MN1: variants seen among roughly 807,000 people sequenced by gnomAD.
MN1 encodes the protein transcriptional activator MN1.
In MN1, 19 loss-of-function variants were observed where a neutral mutation model predicts 86.9. That is an observed-to-expected ratio of 0.22 (90% confidence interval 0.15 to 0.32). The LOEUF (loss-of-function observed/expected upper bound fraction) is 0.32. MN1 is among the 10% of genes least tolerant of loss of function. MN1 has a pLI of 1.00. For synonymous variants in MN1, 928 were observed against 849.6 expected (o/e 1.09, Z -1.60); for missense variants, 1,841 against 1,862.0 (o/e 0.99, Z 0.21).
In MN1 at chr22:27,760,869, C is replaced by T. The variant is rs6005610; in HGVS notation, c.3782-9773G>A. 6.3e-4 allele frequency among the ~76,000 whole-genome samples: 96 copies of T among 152,344 alleles called. 1 individual carries two copies. Among genetic ancestry groups the T allele is most frequent in the African/African-American group, 2.2e-3 (91 of 41,582 alleles). On this transcript the variant is annotated intron_variant, in intron 1 of 1. Transcript: ENST00000302326. ...CCACTGTCTCTATGCGAGTCGGCTC[C>T]AGGGCGTGACCGTGAACATGACCTG...
chr22:27,763,126 T>C (rs552371433), intron 1 of MN1, among the ~76,000 whole-genome samples: 1 of 152,166 alleles, frequency 6.6e-6, no homozygotes, highest in East Asian at 1.9e-4. Flanking sequence ...ACAAAACAAA[T>C]ATACATTCAC....
chr22:27,797,527 G>T lies in MN1; in HGVS notation c.3017C>A (p.Thr1006Lys). ...AGCCCCCTTCCCCCAGGATGGCGAC[G>T]TGAGCGCCTTTTCGTGGGGCGTCGG... ...GAPTPHEKAL[T>K]SPSWGKGAEL... The change falls in exon 1 of 2, where the codon ACG (threonine) becomes AAG (lysine). Residue 1006 changes from threonine (T) to lysine (K), a missense_variant. Transcript: ENST00000302326. The T allele has an allele frequency of 1.2e-6, 2 of 1,608,266 alleles. No homozygotes were observed. Among genetic ancestry groups the T allele is most frequent in the Non-Finnish European group, 8.5e-7 (1 of 1,178,268 alleles).
chr22:27,796,787 G>A lies in MN1; in HGVS notation c.3757C>T (p.Pro1253Ser), dbSNP rs749628293. The A allele has an allele frequency of 6.2e-7, 1 of 1,604,802 alleles. No individual in the cohort carries two copies. The highest frequency in any genetic ancestry group is 8.5e-7 in the Non-Finnish European group (1 of 1,178,498). Residue 1253 changes from proline (P) to serine (S), a missense_variant, in exon 1 of 2, where the codon CCC becomes TCC. By Grantham distance (74) the Pro-to-Ser change is moderately conservative. Transcript: ENST00000302326. ...CCTTCTTTGCTGTTGGGGTTCTGGG[G>A]TTTGGCCTTCTCCCAGGGCGCCAAC... Reference protein sequence around the residue: ...KTLAPWEKAKPQNPNSKEAHD... With the variant: ...KTLAPWEKAKSQNPNSKEAHD...
At chr22:27,780,215 G>C (rs559596845) in intron 1 of MN1, among the ~76,000 whole-genome samples, 39 of 152,172 alleles carry the variant, frequency 2.6e-4, no homozygotes, top group African/African-American at 8.9e-4. Context: ...CCTGGCTCCC[G>C]GCCACACTTT....
At chr22:27,771,219 C>CTTTTT (rs11330963) in intron 1 of MN1, among the ~76,000 whole-genome samples, 20 of 86,648 alleles carry the variant, frequency 2.3e-4, no homozygotes, top group African/African-American at 8.6e-4. Context: ...TTTTCCCTAA[C>CTTTTT]TTTTTTTTTT....
intron 1 of MN1, among the ~76,000 whole-genome samples, chr22:27,758,115 C>T (rs1932812901): frequency 6.6e-6 from 1 of 152,132 alleles, no homozygotes; most frequent in African/African-American, 2.4e-5. Context: ...GCAGGCCTCT[C>T]TCCTGCTTGA....
At chr22:27,764,046 G>A (rs533127912) in intron 1 of MN1, among the ~76,000 whole-genome samples, 64 of 152,338 alleles carry the variant, frequency 4.2e-4, no homozygotes, top group Non-Finnish European at 7.6e-4. Context: ...GGTGTGAAAC[G>A]AGGGAAGAGG....
At chr22:27,763,173 A>G (rs982892321) in intron 1 of MN1, among the ~76,000 whole-genome samples, 2 of 152,226 alleles carry the variant, frequency 1.3e-5, no homozygotes, top group Non-Finnish European at 2.9e-5. Flanking sequence ...CTTCCAGCCC[A>G]TTGGAGGAAA....
chr22:27,767,717 G>A (rs907818864), intron 1 of MN1, among the ~76,000 whole-genome samples: 2 of 152,032 alleles, frequency 1.3e-5, no homozygotes, highest in Admixed American at 6.6e-5. Flanking sequence ...ACCCTCCACC[G>A]CTCCAACAAC....
intron 1 of MN1, among the ~76,000 whole-genome samples, chr22:27,795,312 G>T (rs1263275213): frequency 6.6e-6 from 1 of 152,016 alleles, no homozygotes; most frequent in Admixed American, 6.6e-5. Flanking sequence ...CGGGATGCGC[G>T]CCTTGAAAGC....
chr22:27,755,776 G>A lies in MN1; in HGVS notation c.3782-4680C>T, dbSNP rs535601023. Among the ~76,000 whole-genome samples, 4 of 152,298 alleles carry A rather than the reference G, an allele frequency of 2.6e-5. No individual in the cohort carries two copies. In the South Asian group the frequency reaches 8.3e-4, roughly 32 times the overall value. On this transcript the variant is annotated intron_variant, in intron 1 of 1. Coordinates refer to ENST00000302326, the MANE Select transcript of MN1 (RefSeq NM_002430.3). ...CTTCCAAACTTCTCCATCCACAATG[G>A]AGACAGTCAGTTCCATTAAGGGAAG... is the stretch of plus-strand genomic sequence containing the variant.
At chr22:27,777,918 G>A (rs1265625922) in intron 1 of MN1, among the ~76,000 whole-genome samples, 1 of 151,902 alleles carries the variant, frequency 6.6e-6, no homozygotes, top group Non-Finnish European at 1.5e-5. Flanking sequence ...ATTCTACAGG[G>A]TACATCATTT....
intron 1 of MN1, among the ~76,000 whole-genome samples, chr22:27,754,387 G>A (rs956432073): frequency 1.5e-4 from 23 of 152,308 alleles, no homozygotes; most frequent in Non-Finnish European, 2.6e-4. Flanking sequence ...CATCAGTGGG[G>A]GTGCCCCTTC....
rs1182833693 is a variant in MN1 at position 27,748,952 on chromosome 22, C to T, written c.*1963G>A. 1.3e-5 allele frequency: 3 copies of T among 230,476 alleles called. No individual in the cohort carries two copies. Among genetic ancestry groups the T allele is most frequent in the Non-Finnish European group, 1.7e-5 (2 of 116,420 alleles). 14.3% of individuals were successfully genotyped at this position (230,476 alleles called of 1,614,324 possible). A position where few individuals can be genotyped will look rare whatever the true frequency, so the allele number is the denominator to read the frequency against. On this transcript the variant is annotated 3_prime_UTR_variant, in exon 2 of 2. Coordinates refer to ENST00000302326, the MANE Select transcript of MN1 (RefSeq NM_002430.3). ...GGGTCATGGAGTCTTGCCCAGAATA[C>T]GGTCAACTCTCCCACAGCCCATGGT...
chr22:27,778,324 C>G (rs996200007), intron 1 of MN1, among the ~76,000 whole-genome samples: 1 of 152,246 alleles, frequency 6.6e-6, no homozygotes, highest in African/African-American at 2.4e-5. Context: ...TTTCTGCCAG[C>G]TGCCGCGGCC....
chr22:27,757,938 G>A (rs1932811816), intron 1 of MN1, among the ~76,000 whole-genome samples: 1 of 152,030 alleles, frequency 6.6e-6, no homozygotes, highest in Non-Finnish European at 1.5e-5. Context: ...ACCAAGGAGG[G>A]AAGAGGCTGC....
chr22:27,750,783 A>G lies in MN1; in HGVS notation c.*132T>C, dbSNP rs551552845. On this transcript the variant is annotated 3_prime_UTR_variant, in exon 2 of 2. Transcript: ENST00000302326. Reference sequence around the variant, plus strand: ...CACTAAGCAGGTACCAACCTAGAGAAAAAAAAAAAACTCATCCACTCAGCA... The same window carrying G: ...CACTAAGCAGGTACCAACCTAGAGAGAAAAAAAAAACTCATCCACTCAGCA... 2.5e-4 allele frequency: 188 copies of G among 738,966 alleles called. No homozygotes were observed. The highest frequency in any genetic ancestry group is 1.3e-3 in the African/African-American group (69 of 53,908). The allele number at this position is 738,966 out of a possible 1,614,324, so 45.8% of individuals were successfully genotyped here. A position where few individuals can be genotyped will look rare whatever the true frequency, so the allele number is the denominator to read the frequency against.
chr22:27,749,517 G>A lies in MN1; in HGVS notation c.*1398C>T, dbSNP rs45605632. 6.1e-3 allele frequency: 1,417 copies of A among 232,386 alleles called. 61 individuals carry two copies. The East Asian group carries it at 0.079, about 13-fold the overall frequency. 14.4% of individuals were successfully genotyped at this position (232,386 alleles called of 1,614,324 possible). On this transcript the variant is annotated 3_prime_UTR_variant, in exon 2 of 2. Transcript: ENST00000302326. Reference sequence around the variant, plus strand: ...CCATAAATGGCTTTTGCAGGCATCAGCAGCACCCAAAGTTGCCTGCCCCTG... The same window carrying A: ...CCATAAATGGCTTTTGCAGGCATCAACAGCACCCAAAGTTGCCTGCCCCTG...
rs1601318785 is a variant in MN1, at chr22:27,749,692, CAA to C, written c.*1221_*1222del. ...GTTCAAAACTAAAAGGCGCAGGAATCAAAGTCATTTCATTCTATTCTCTTTCT... is the reference window on the plus strand; with the variant it reads ...GTTCAAAACTAAAAGGCGCAGGAATCAGTCATTTCATTCTATTCTCTTTCT... On this transcript the variant is annotated 3_prime_UTR_variant, in exon 2 of 2. Transcript: ENST00000302326. The C allele has an allele frequency of 4.3e-6, 1 of 231,754 alleles. No homozygotes were observed. Among genetic ancestry groups the C allele is most frequent in the East Asian group, 6.1e-5 (1 of 16,406 alleles). 14.4% of individuals were successfully genotyped at this position (231,754 alleles called of 1,614,324 possible).
Sources: gnomAD v4.1 joint callset for allele counts (sites outside exome capture counted in the v4.1 genomes callset) on GRCh38, gnomAD v4.1.1 for gene constraint, MANE v1.5 for transcripts, NCBI Gene and HGNC (gene_info 2026-07-23, HGNC 2026-07-21) for gene names.